Variants in ACACB observed in about 807,000 individuals in gnomAD.
The protein encoded by ACACB is acetyl-CoA carboxylase 2.
In ACACB, 209 loss-of-function variants were observed where a neutral mutation model predicts 278.8. The observed-to-expected ratio is 0.75, with a 90% confidence interval of 0.67 to 0.84. ACACB has a LOEUF of 0.84. Among genes scored for constraint, ACACB ranks in the 40% least tolerant of loss-of-function variants. The probability of loss-of-function intolerance (pLI) is 0.00; values close to 1 mark genes in which losing one functional copy is unlikely to be tolerated. For synonymous variants in ACACB, 1,174 were observed against 1,285.6 expected, an observed-to-expected ratio of 0.91 and a Z score of 1.86; for missense variants, 2,850 against 3,269.0, an observed-to-expected ratio of 0.87 and a Z score of 3.13.
chr12:109,259,066 A>C lies in ACACB; in HGVS notation c.6454A>C (p.Met2152Leu). The C allele has an allele frequency of 5.6e-6, 9 of 1,614,084 alleles. No individual in the cohort carries two copies. The highest frequency in any genetic ancestry group is 7.6e-6 in the Non-Finnish European group (9 of 1,180,004). The change falls in exon 47 of 53, where the codon ATG becomes CTG. Residue 2152 changes from methionine (M) to leucine (L), a missense_variant. Met to Leu is a conservative substitution (Grantham distance 15). Transcript: ENST00000338432. ...KDFNREKLPL[M>L]IFANWRGFSG... ...CTTCAACCGGGAGAAGTTGCCCCTG[A>C]TGATCTTTGCCAACTGGAGGGGGTT... is the stretch of plus-strand genomic sequence containing the variant.
chr12:109,237,142 TTC>T (rs2046653654), intron 33 of ACACB, 21 bp from the exon 34 acceptor site: 2 of 1,613,310 alleles, frequency 1.2e-6, no homozygotes, highest in East Asian at 4.5e-5. Context: ...TGTGTCTGTC[TTC>T]TCTCTCTGGT....
At chr12:109,217,352 G>A (rs537832686) in intron 24 of ACACB, among the ~76,000 whole-genome samples, 4 of 152,250 alleles carry the variant, frequency 2.6e-5, no homozygotes, top group Non-Finnish European at 4.4e-5. Flanking sequence ...TGTGGTCTCT[G>A]TCGTGACCAC....
intron 2 of ACACB, among the ~76,000 whole-genome samples, chr12:109,140,509 T>C (rs1349684463): frequency 6.6e-6 from 1 of 152,034 alleles, no homozygotes; most frequent in Non-Finnish European, 1.5e-5. Context: ...ATACAAAAAT[T>C]CACCAGGCAT....
intron 2 of ACACB, among the ~76,000 whole-genome samples, chr12:109,149,759 A>G (rs1021563233): frequency 1.3e-5 from 2 of 152,206 alleles, no homozygotes; most frequent in South Asian, 2.1e-4. Context: ...TCTGGGTGCC[A>G]GGCAGTCAGT....
intron 1 of ACACB, among the ~76,000 whole-genome samples, chr12:109,128,285 A>C (rs187850379): frequency 1.7e-4 from 26 of 152,186 alleles, no homozygotes; most frequent in Non-Finnish European, 3.4e-4. Context: ...AGTAGCTGGG[A>C]TTACTGCTGC....
At chr12:109,181,279 G>A (rs1236054574) in intron 11 of ACACB, among the ~76,000 whole-genome samples, 1 of 148,122 alleles carries the variant, frequency 6.8e-6, no homozygotes, top group Non-Finnish European at 1.5e-5. Context: ...CCAGGCTGGA[G>A]TGTAGTGGTG....
chr12:109,199,656 T>G, intron 18 of ACACB, 104 bp downstream of exon 18: 2 of 1,168,042 alleles, frequency 1.7e-6, no homozygotes, highest in East Asian at 3.0e-5. Context: ...CCTTGACCAC[T>G]GTCTGCAAAT....
intron 18 of ACACB, among the ~76,000 whole-genome samples, chr12:109,200,725 A>C (rs1014713591): frequency 6.6e-6 from 1 of 152,196 alleles, no homozygotes; most frequent in South Asian, 2.1e-4. Context: ...AACTCACTGG[A>C]GGTCACACAA....
At chr12:109,116,017 A>G (rs2042396640), upstream of ACACB, among the ~76,000 whole-genome samples, 1 of 152,228 alleles carries the variant, frequency 6.6e-6, no homozygotes, top group Non-Finnish European at 1.5e-5. Context: ...GTTGCAGAAC[A>G]CTATGTAACT....
intron 19 of ACACB, among the ~76,000 whole-genome samples, chr12:109,202,994 T>A (rs1050452605): frequency 6.6e-6 from 1 of 152,182 alleles, no homozygotes; most frequent in Admixed American, 6.5e-5. Context: ...AACTTGACAC[T>A]CGTTAAATGG....
rs773620750 is a variant in ACACB at position 109,209,307 on chromosome 12, A to G, written c.3203A>G (p.Tyr1068Cys). ...EKSVRRVMAQYASNITSVLCQ... is the reference protein window; with the variant it reads ...EKSVRRVMAQCASNITSVLCQ... ...TCTGTCCGCAGGGTGATGGCCCAGT[A>G]TGCCAGCAACATCACCTCGGTGCTG... is the stretch of plus-strand genomic sequence containing the variant. Residue 1068 changes from tyrosine (Y) to cysteine (C), a missense_variant, in exon 21 of 53, where the codon TAT becomes TGT. By Grantham distance (194) the Tyr-to-Cys change is radical. Transcript: ENST00000338432. 1 of 1,612,652 alleles carries G rather than the reference A, an allele frequency of 6.2e-7. No homozygotes were observed. Among genetic ancestry groups the G allele is most frequent in the South Asian group, 1.1e-5 (1 of 90,988 alleles).
At chr12:109,243,782 A>G (rs1033658122) in intron 37 of ACACB, among the ~76,000 whole-genome samples, 2 of 151,890 alleles carry the variant, frequency 1.3e-5, no homozygotes, top group African/African-American at 2.4e-5. Context: ...TTATGCCTTT[A>G]TATGTTTATG....
intron 24 of ACACB, among the ~76,000 whole-genome samples, chr12:109,217,215 G>T (rs1197425547): frequency 1.3e-5 from 2 of 152,244 alleles, no homozygotes; most frequent in Non-Finnish European, 2.9e-5. Context: ...CCTGAAGGCA[G>T]AGGTTGCAGT....
At chr12:109,222,339 T>G (rs1465615766) in intron 24 of ACACB, among the ~76,000 whole-genome samples, 168 bp from the exon 25 acceptor site, 4 of 128,498 alleles carry the variant, frequency 3.1e-5, no homozygotes, top group Non-Finnish European at 7.0e-5. Context: ...CTGGGGTGGG[T>G]GCACAGTAGA....
chr12:109,210,207 GTA>G (rs1403753143), intron 21 of ACACB, among the ~76,000 whole-genome samples: 483 of 42,844 alleles, frequency 0.011, 27 homozygotes, highest in Non-Finnish European at 0.018. Context: ...ATGTATATAT[GTA>G]TATATACACA....
intron 9 of ACACB, among the ~76,000 whole-genome samples, chr12:109,176,657 C>T (rs111990372): frequency 1.3e-5 from 2 of 152,172 alleles, no homozygotes; most frequent in Non-Finnish European, 2.9e-5. Flanking sequence ...CACTCTGTCA[C>T]CCAGGCTGGA....
chr12:109,129,427 C>T (rs1407511353), intron 1 of ACACB, among the ~76,000 whole-genome samples: 1 of 152,184 alleles, frequency 6.6e-6, no homozygotes. Context: ...AAACACTTGT[C>T]GCGACTTATT....
chr12:109,176,618 CTATTT>C (rs976646518), intron 9 of ACACB, among the ~76,000 whole-genome samples: 20 of 152,076 alleles, frequency 1.3e-4, no homozygotes, highest in African/African-American at 4.6e-4. Flanking sequence ...TCTAGATGGT[CTATTT>C]TATTTTATTT....
At chr12:109,266,167 T>G in intron 52 of ACACB, 69 bp from the exon 53 acceptor site, 6 of 1,555,876 alleles carry the variant, frequency 3.9e-6, no homozygotes, top group Non-Finnish European at 5.2e-6. Context: ...ACACAAGGAC[T>G]CTGCCACCCT....
Sources: gnomAD v4.1 joint callset for allele counts (sites outside exome capture counted in the v4.1 genomes callset) on GRCh38, gnomAD v4.1.1 for gene constraint, MANE v1.5 for transcripts, NCBI Gene and HGNC (gene_info 2026-07-23, HGNC 2026-07-21) for gene names.